WWC1: variants seen among roughly 807,000 people sequenced by gnomAD.
WWC1 encodes WW and C2 domain containing 1, also known as protein KIBRA.
A neutral mutation model predicts 138.4 loss-of-function variants in WWC1; 55 were observed. The ratio of observed to expected loss-of-function variants is 0.40; its 90% CI spans 0.32 to 0.50. WWC1 has a LOEUF of 0.50. WWC1 is among the 20% of genes least tolerant of loss of function. The pLI is 0.72. For synonymous variants in WWC1, 524 were observed against 564.9 expected, an observed-to-expected ratio of 0.93 and a Z score of 1.03; for missense variants, 1,226 against 1,420.4, an observed-to-expected ratio of 0.86 and a Z score of 2.20.
Position 168,318,282 on chromosome 5 carries a change from A to T in WWC1, c.119+26011A>T, listed in dbSNP as rs185970599. Among the ~76,000 whole-genome samples, 312 of 152,254 alleles carry T rather than the reference A, an allele frequency of 2.0e-3. 2 individuals carry two copies. The highest frequency in any genetic ancestry group is 7.1e-3 in the African/African-American group (293 of 41,550). On this transcript the variant is annotated intron_variant, in intron 1 of 22. Transcript: ENST00000265293. ...AAAGGTTCTGAGATCTATTACACAGATACCTTTTCTTAGTTTACTTTTTAA... is the reference window on the plus strand; with the variant it reads ...AAAGGTTCTGAGATCTATTACACAGTTACCTTTTCTTAGTTTACTTTTTAA...
At chr5:168,337,677 GT>G (rs796109944) in intron 1 of WWC1, among the ~76,000 whole-genome samples, 10 of 152,362 alleles carry the variant, frequency 6.6e-5, no homozygotes, top group African/African-American at 2.2e-4. Context: ...GCTACAGACG[GT>G]AAGGGAGACA....
At chr5:168,439,794 G>A (rs1754590585) in intron 15 of WWC1, among the ~76,000 whole-genome samples, 1 of 152,098 alleles carries the variant, frequency 6.6e-6, no homozygotes, top group Non-Finnish European at 1.5e-5. Flanking sequence ...TTATATTTTT[G>A]CTAGATATGA....
At chr5:168,308,930 G>A (rs1011998577) in intron 1 of WWC1, among the ~76,000 whole-genome samples, 1 of 152,024 alleles carries the variant, frequency 6.6e-6, no homozygotes, top group African/African-American at 2.4e-5. Flanking sequence ...TCTTCAATCT[G>A]CAAACCCCAC....
chr5:168,369,994 A>C lies in WWC1; in HGVS notation c.120-1430A>C, dbSNP rs1357580738. ...CGGCTCAGTGCACCCTCCACTTCCC[A>C]GGTTCAAGCAATTCTCCTGCCTCAG... On this transcript the variant is annotated intron_variant, in intron 1 of 22. Coordinates refer to ENST00000265293, the MANE Select transcript of WWC1 (RefSeq NM_015238.3). 5.0e-5 allele frequency among the ~76,000 whole-genome samples: 7 copies of C among 140,152 alleles called. No homozygotes were observed. In the East Asian group the frequency reaches 1.5e-3, roughly 30 times the overall value. 91.9% of individuals were successfully genotyped at this position (140,152 alleles called of 152,430 possible). A position where few individuals can be genotyped will look rare whatever the true frequency, so the allele number is the denominator to read the frequency against.
rs1443370784 is a variant in WWC1, at chr5:168,292,127, G to A, written c.-26G>A. 3.3e-6 allele frequency: 5 copies of A among 1,531,220 alleles called. No individual in the cohort carries two copies. The Admixed American group carries it at 8.1e-5, about 25-fold the overall frequency. The allele number at this position is 1,531,220 out of a possible 1,614,324, so 94.9% of individuals were successfully genotyped here. A position where few individuals can be genotyped will look rare whatever the true frequency, so the allele number is the denominator to read the frequency against. Reference sequence around the variant, plus strand: ...CCCCGCTGCGGCCGGGAGCTGCATGGGGGAGCGCCGGCAGCGCTTGGGAAG... The same window carrying A: ...CCCCGCTGCGGCCGGGAGCTGCATGAGGGAGCGCCGGCAGCGCTTGGGAAG... On this transcript the variant is annotated 5_prime_UTR_variant, in exon 1 of 23. Coordinates refer to ENST00000265293, the MANE Select transcript of WWC1 (RefSeq NM_015238.3). This position sits in a 1 kb window ranked among gnomAD's most constrained non-coding sequence, Gnocchi z 4.4.
intron 2 of WWC1, among the ~76,000 whole-genome samples, chr5:168,376,494 C>G (rs1777176866): frequency 6.6e-6 from 1 of 152,186 alleles, no homozygotes; most frequent in Non-Finnish European, 1.5e-5. Context: ...CAAAGTATCT[C>G]TCTTCGCTGA....
intron 1 of WWC1, among the ~76,000 whole-genome samples, chr5:168,360,089 T>C (rs1229794620): frequency 6.6e-6 from 1 of 152,228 alleles, no homozygotes; most frequent in African/African-American, 2.4e-5. Flanking sequence ...GTCTTGTCTG[T>C]GGGATTTTTA....
Position 168,423,248 on chromosome 5 carries a change from A to G in WWC1, c.1275-285A>G, listed in dbSNP as rs186341879. Reference sequence around the variant, plus strand: ...GGATTCAACTATGAAAACATATCATACAAATGCAACGTAGCCAATTGGAGC... The same window carrying G: ...GGATTCAACTATGAAAACATATCATGCAAATGCAACGTAGCCAATTGGAGC... On this transcript the variant is annotated intron_variant, in intron 10 of 22. Transcript: ENST00000265293. Among the ~76,000 whole-genome samples the G allele has an allele frequency of 2.2e-4, 34 of 152,234 alleles. No individual in the cohort carries two copies. The East Asian group carries it at 6.6e-3, about 29-fold the overall frequency.
chr5:168,320,598 G>A (rs1353060861), intron 1 of WWC1, among the ~76,000 whole-genome samples: 1 of 152,198 alleles, frequency 6.6e-6, no homozygotes, highest in Non-Finnish European at 1.5e-5. Context: ...CATAACATGT[G>A]TAAGACTCTG....
At chr5:168,357,488 G>T (rs753415430) in intron 1 of WWC1, among the ~76,000 whole-genome samples, 19 of 105,312 alleles carry the variant, frequency 1.8e-4, no homozygotes, top group Non-Finnish European at 1.7e-4. Context: ...GTGTGTGTGT[G>T]TGTGTGCGCG....
intron 3 of WWC1, 33 bp from the exon 4 acceptor site, chr5:168,397,691 A>C (rs375324026): frequency 6.2e-7 from 1 of 1,611,674 alleles, no homozygotes; most frequent in Non-Finnish European, 8.5e-7. Flanking sequence ...TGTTTCTTCT[A>C]CTGATATTCT....
At chr5:168,431,508 G>C in intron 15 of WWC1, 64 bp downstream of exon 15, 4 of 1,525,404 alleles carry the variant, frequency 2.6e-6, no homozygotes. Flanking sequence ...CTGGCTGACC[G>C]GCCTTCTGTG....
Position 168,425,117 on chromosome 5 carries a change from G to A in WWC1, c.1810+1049G>A, listed in dbSNP as rs185196761. ...GGAATTGGAGATTCAGAGAGGTGATGTCACTTGCCTTAGGTCACCCAGCCA... is the reference window on the plus strand; with the variant it reads ...GGAATTGGAGATTCAGAGAGGTGATATCACTTGCCTTAGGTCACCCAGCCA... On this transcript the variant is annotated intron_variant, in intron 11 of 22. Transcript: ENST00000265293. 9.2e-5 allele frequency among the ~76,000 whole-genome samples: 14 copies of A among 152,330 alleles called. No individual in the cohort carries two copies. The East Asian group carries it at 2.5e-3, about 27-fold the overall frequency.
At chr5:168,390,085 T>C (rs1219685116) in intron 3 of WWC1, among the ~76,000 whole-genome samples, 1 of 152,236 alleles carries the variant, frequency 6.6e-6, no homozygotes, top group African/African-American at 2.4e-5. Context: ...AAATCCAGGA[T>C]ATGCAGATTA....
intron 15 of WWC1, among the ~76,000 whole-genome samples, chr5:168,435,989 C>T (rs1045856513): frequency 8.6e-5 from 13 of 152,034 alleles, no homozygotes; most frequent in Non-Finnish European, 1.5e-4. Flanking sequence ...ACTATAGGCA[C>T]GCGCCACCAC....
chr5:168,403,928 A>T (rs1173824126), intron 5 of WWC1, among the ~76,000 whole-genome samples: 2 of 150,294 alleles, frequency 1.3e-5, no homozygotes, highest in African/African-American at 5.0e-5. Context: ...TTCCCTTAAA[A>T]AAAAAAAGAT....
chr5:168,392,241 T>TA (rs972755810), intron 3 of WWC1, among the ~76,000 whole-genome samples: 3 of 152,148 alleles, frequency 2.0e-5, no homozygotes, highest in Non-Finnish European at 2.9e-5. Context: ...AGCCCTCATA[T>TA]ACCACTTGGT....
chr5:168,398,114 T>G (rs1779048199), intron 4 of WWC1, among the ~76,000 whole-genome samples: 1 of 152,042 alleles, frequency 6.6e-6, no homozygotes, highest in South Asian at 2.1e-4. Flanking sequence ...TTTTTATTTT[T>G]ATTTTTTGAG....
chr5:168,339,657 T>C (rs778893134), intron 1 of WWC1, among the ~76,000 whole-genome samples: 20 of 152,184 alleles, frequency 1.3e-4, no homozygotes, highest in African/African-American at 1.9e-4. Context: ...AAGGTACTGT[T>C]TGTAACTTAG....
Sources: allele counts gnomAD v4.1 joint callset (sites outside exome capture counted in the v4.1 genomes callset), GRCh38; gene constraint gnomAD v4.1.1; non-coding constraint Gnocchi (gnomAD v3.1); transcripts MANE v1.5; gene names NCBI Gene and HGNC (gene_info 2026-07-23, HGNC 2026-07-21).